Variants in TTLL5 observed in about 807,000 individuals in gnomAD.
TTLL5 encodes the protein tubulin tyrosine ligase like 5.
In TTLL5, 132 loss-of-function variants were observed where a neutral mutation model predicts 168.4. That is an observed-to-expected ratio of 0.78 (90% CI 0.68 to 0.91). The LOEUF is 0.91. Among genes scored for constraint, TTLL5 ranks in the 40% least tolerant of loss-of-function variants. The probability of loss-of-function intolerance (pLI) is 0.00; values close to 1 mark genes in which losing one functional copy is unlikely to be tolerated. For synonymous variants in TTLL5, 546 were observed against 558.6 expected (o/e 0.98, Z 0.32); for missense variants, 1,545 against 1,581.5 (o/e 0.98, Z 0.39).
intron 31 of TTLL5, among the ~76,000 whole-genome samples, chr14:75,914,033 A>AAAAAAAATATATATATATATATAT: frequency 2.8e-5 from 2 of 71,102 alleles, no homozygotes; most frequent in Non-Finnish European, 2.1e-5. Flanking sequence ...AAAAAAAAAA[A>AAAAAAAATATATATATATATATAT]ATATATATAT....
At chr14:75,709,516 A>G (rs1886905771) in intron 9 of TTLL5, 2 of 285,468 alleles carry the variant, frequency 7.0e-6, no homozygotes, top group Non-Finnish European at 1.4e-5. Flanking sequence ...TCTTCCTTGA[A>G]AATTGAGAAA....
At chr14:75,680,883 T>C (rs988401291) in intron 3 of TTLL5, among the ~76,000 whole-genome samples, 2 of 152,080 alleles carry the variant, frequency 1.3e-5, no homozygotes, top group East Asian at 3.9e-4. Flanking sequence ...CACCTTGGCC[T>C]CCCAAAGTGC....
At chr14:75,796,890 T>C (rs1283831492) in intron 27 of TTLL5, among the ~76,000 whole-genome samples, 1 of 152,112 alleles carries the variant, frequency 6.6e-6, no homozygotes, top group African/African-American at 2.4e-5. Context: ...TTTTGCTTAG[T>C]TGTGTTTTGG....
At chr14:75,831,555 G>A (rs755429120) in intron 28 of TTLL5, among the ~76,000 whole-genome samples, 3 of 152,120 alleles carry the variant, frequency 2.0e-5, no homozygotes, top group Non-Finnish European at 2.9e-5. Flanking sequence ...TTCTGACATG[G>A]CTTCTAGAGC....
chr14:75,743,660 C>T (rs2140255153), intron 15 of TTLL5, among the ~76,000 whole-genome samples: 2 of 140,194 alleles, frequency 1.4e-5, no homozygotes, highest in South Asian at 2.3e-4. Flanking sequence ...CAGCTCACTG[C>T]ATGCTCCGCC....
chr14:75,889,592 G>A (rs1476544997), intron 30 of TTLL5, among the ~76,000 whole-genome samples: 2 of 152,050 alleles, frequency 1.3e-5, no homozygotes, highest in East Asian at 1.9e-4. Flanking sequence ...TTGGAAGGCC[G>A]AGGCAGGTGG....
chr14:75,902,369 T>C (rs570954890), intron 31 of TTLL5, 145 bp downstream of exon 31: 1 of 842,184 alleles, frequency 1.2e-6, no homozygotes. Context: ...ATGGGCATTT[T>C]TGTTGCATTC....
At chr14:75,796,550 G>C (rs1243242777) in intron 27 of TTLL5, among the ~76,000 whole-genome samples, 2 of 152,042 alleles carry the variant, frequency 1.3e-5, no homozygotes, top group Non-Finnish European at 2.9e-5. Flanking sequence ...AATTTTTATG[G>C]TTTCAGGTCT....
Position 75,863,647 on chromosome 14 carries a change from CTGCT to C in TTLL5, c.3327-14_3327-11del, listed in dbSNP as rs752124911. ...CATACAGCCACTCACTCTAAGAAAC[CTGCT>C]TGCTTTTCTCTTCAGGAGCCTGCAG... On this transcript the variant is annotated splice_polypyrimidine_tract_variant and intron_variant, in intron 28 of 31. Coordinates refer to ENST00000298832, the MANE Select transcript of TTLL5 (RefSeq NM_015072.5). 3.2e-6 allele frequency: 5 copies of C among 1,581,266 alleles called. No individual in the cohort carries two copies. The South Asian group carries it at 3.5e-5, about 11-fold the overall frequency.
intron 5 of TTLL5, chr14:75,683,966 G>C (rs1038351948): frequency 3.8e-6 from 1 of 264,470 alleles, no homozygotes; most frequent in Non-Finnish European, 7.5e-6. Context: ...GAGAGACGAG[G>C]TTTCGCCATG....
intron 23 of TTLL5, among the ~76,000 whole-genome samples, chr14:75,778,530 G>C (rs945880011): frequency 1.3e-5 from 2 of 152,150 alleles, no homozygotes; most frequent in Non-Finnish European, 2.9e-5. Context: ...TTATCTTGTG[G>C]CATTTGGCTA....
At chr14:75,793,128 C>T in intron 27 of TTLL5, 28 bp downstream of exon 27, 1 of 1,527,008 alleles carries the variant, frequency 6.5e-7, no homozygotes, top group Non-Finnish European at 8.8e-7. Context: ...TGTCCAAGAG[C>T]TCTTTGGACC....
At position 75,782,579 on chromosome 14, in the gene TTLL5, T is replaced by G. The variant is rs745532756; in HGVS notation, c.2602+6T>G. ...TCATTCTGATAAATTATCTCGTGAG[T>G]GATTTCAAACCTACCTAGATTTGCT... is the stretch of plus-strand genomic sequence containing the variant. On this transcript the variant is annotated splice_donor_region_variant and intron_variant, in intron 25 of 31. Coordinates refer to ENST00000298832, the MANE Select transcript of TTLL5 (RefSeq NM_015072.5). 1 of 1,612,110 alleles carries G rather than the reference T, an allele frequency of 6.2e-7. No homozygotes were observed. The highest frequency in any genetic ancestry group is 1.7e-5 in the Admixed American group (1 of 59,870).
chr14:75,731,998 C>T (rs1336686808), intron 12 of TTLL5, among the ~76,000 whole-genome samples: 1 of 148,588 alleles, frequency 6.7e-6, no homozygotes, highest in Non-Finnish European at 1.5e-5. Context: ...CTTTCCCCGC[C>T]TCTTTTTTTT....
intron 31 of TTLL5, among the ~76,000 whole-genome samples, chr14:75,931,335 A>G (rs1482518750): frequency 1.3e-5 from 2 of 152,118 alleles, no homozygotes; most frequent in Non-Finnish European, 2.9e-5. Flanking sequence ...GTTCACCTTC[A>G]TTAGAGGTAA....
At chr14:75,723,229 A>G (rs1009203397) in intron 12 of TTLL5, among the ~76,000 whole-genome samples, 2 of 152,150 alleles carry the variant, frequency 1.3e-5, no homozygotes, top group Non-Finnish European at 2.9e-5. Flanking sequence ...AGCTAGGACT[A>G]TAGGTGTGTG....
intron 26 of TTLL5, 21 bp downstream of exon 26, chr14:75,783,551 C>A: frequency 6.2e-7 from 1 of 1,606,772 alleles, no homozygotes; most frequent in Non-Finnish European, 8.5e-7. Context: ...GAACGAAAGA[C>A]AGTCCACAAT....
intron 24 of TTLL5, among the ~76,000 whole-genome samples, 178 bp from the exon 25 acceptor site, chr14:75,782,309 G>C (rs1892107418): frequency 6.6e-6 from 1 of 152,092 alleles, no homozygotes; most frequent in African/African-American, 2.4e-5. Flanking sequence ...TCATTTAATT[G>C]GTTGCCTACT....
intron 31 of TTLL5, among the ~76,000 whole-genome samples, chr14:75,923,641 A>G (rs12433959): frequency 0.052 from 7,984 of 152,252 alleles, 276 homozygotes; most frequent in Admixed American, 0.098. Flanking sequence ...TATGTGGTCA[A>G]TTTTAGAATA....
Sources: allele counts gnomAD v4.1 joint callset (sites outside exome capture counted in the v4.1 genomes callset), GRCh38; gene constraint gnomAD v4.1.1; transcripts MANE v1.5; gene names NCBI Gene and HGNC (gene_info 2026-07-23, HGNC 2026-07-21).